ABCC4: variants seen among roughly 807,000 people sequenced by gnomAD.
The protein encoded by ABCC4 is ATP-binding cassette sub-family C member 4.
A neutral mutation model predicts 168.5 loss-of-function variants in ABCC4; 102 were observed. That is an observed-to-expected ratio of 0.61 (90% CI 0.52 to 0.71). The LOEUF (loss-of-function observed/expected upper bound fraction) is 0.71, where lower values mean the gene tolerates loss of function less well. Among genes scored for constraint, ABCC4 ranks in the 30% least tolerant of loss-of-function variants. The pLI is 0.00. For synonymous variants in ABCC4, 617 were observed against 590.7 expected (o/e 1.04, Z -0.65); for missense variants, 1,402 against 1,605.8 (o/e 0.87, Z 2.17).
intron 21 of ABCC4, among the ~76,000 whole-genome samples, chr13:95,077,613 C>T (rs1281999342): frequency 4.0e-5 from 6 of 151,440 alleles, no homozygotes; most frequent in African/African-American, 7.3e-5. Context: ...GCTAGGATTA[C>T]AGGTGTGAGC....
chr13:95,163,236 A>T lies in ABCC4; in HGVS notation c.2214-20T>A. On this transcript the variant is annotated intron_variant, in intron 17 of 30. Transcript: ENST00000645237. ...TTTGCCCTATGGAACATGGGGAGAA[A>T]AAAATATTAAGCTATATATGAAATT... The T allele has an allele frequency of 6.8e-7, 1 of 1,476,686 alleles. No individual in the cohort carries two copies. 91.5% of individuals were successfully genotyped at this position (1,476,686 alleles called of 1,614,324 possible).
At chr13:95,177,616 T>C (rs1751005) in intron 13 of ABCC4, 91 bp downstream of exon 13, 740,514 of 968,644 alleles carry the variant, frequency 0.76, 284,369 homozygotes, top group African/African-American at 0.84. Flanking sequence ...GACACCAGAG[T>C]AGGATGAGCT....
chr13:95,068,073 G>A (rs2033607426), intron 25 of ABCC4, among the ~76,000 whole-genome samples: 1 of 152,160 alleles, frequency 6.6e-6, no homozygotes, highest in Non-Finnish European at 1.5e-5. Context: ...CAGGAAATCT[G>A]AGCAGATGAA....
intron 4 of ABCC4, among the ~76,000 whole-genome samples, chr13:95,227,291 C>T (rs1355006604): frequency 6.6e-6 from 1 of 152,184 alleles, no homozygotes; most frequent in African/African-American, 2.4e-5. Context: ...TCCTCTTAAG[C>T]TATTCCCTAG....
chr13:95,262,270 A>T (rs1489250187), intron 1 of ABCC4, among the ~76,000 whole-genome samples: 1 of 152,238 alleles, frequency 6.6e-6, no homozygotes, highest in Non-Finnish European at 1.5e-5. Flanking sequence ...TGAGGACAGC[A>T]GGAGTCAAGT....
At chr13:95,208,688 T>C (rs1016354942) in intron 6 of ABCC4, among the ~76,000 whole-genome samples, 9 of 138,444 alleles carry the variant, frequency 6.5e-5, no homozygotes, top group African/African-American at 2.4e-4. Flanking sequence ...TGGCATAATA[T>C]CGGCTCACTG....
Position 95,038,172 on chromosome 13 carries a change from A to G in ABCC4, c.3736-3433T>C, listed in dbSNP as rs547455785. 3.3e-5 allele frequency among the ~76,000 whole-genome samples: 5 copies of G among 152,220 alleles called. No individual in the cohort carries two copies. The South Asian group carries it at 8.3e-4, about 25-fold the overall frequency. On this transcript the variant is annotated intron_variant, in intron 29 of 30. Coordinates refer to ENST00000645237, the MANE Select transcript of ABCC4 (RefSeq NM_005845.5). ...CATATGGCCCAAGAAAACAAACTTCATTAAAGTTTCAGGATTAATAATGAG... is the reference window on the plus strand; with the variant it reads ...CATATGGCCCAAGAAAACAAACTTCGTTAAAGTTTCAGGATTAATAATGAG...
intron 6 of ABCC4, 118 bp downstream of exon 6, chr13:95,209,316 A>G: frequency 8.2e-7 from 1 of 1,212,482 alleles, no homozygotes; most frequent in Non-Finnish European, 1.1e-6. Context: ...GAAGAGCTGC[A>G]ACATATGCAA....
At chr13:95,172,572 G>GAAA (rs56278771) in intron 13 of ABCC4, among the ~76,000 whole-genome samples, 5 of 124,678 alleles carry the variant, frequency 4.0e-5, no homozygotes, top group Middle Eastern at 4.1e-3. Context: ...CCTCAAAAAG[G>GAAA]AAAAAAAAAA....
intron 11 of ABCC4, among the ~76,000 whole-genome samples, chr13:95,186,472 T>C (rs1276557937): frequency 6.6e-6 from 1 of 152,132 alleles, no homozygotes; most frequent in Non-Finnish European, 1.5e-5. Context: ...AAATAAAACT[T>C]CACAAAACCA....
At chr13:95,265,738 G>A (rs968706421) in intron 1 of ABCC4, among the ~76,000 whole-genome samples, 14 of 152,312 alleles carry the variant, frequency 9.2e-5, no homozygotes, top group African/African-American at 2.4e-4. Context: ...ACCTGTGGGC[G>A]TGTGTGTGCT....
At chr13:95,178,683 C>T (rs1315690363) in intron 11 of ABCC4, among the ~76,000 whole-genome samples, 1 of 152,106 alleles carries the variant, frequency 6.6e-6, no homozygotes, top group Non-Finnish European at 1.5e-5. Context: ...AATATGGATG[C>T]ACACGGAACT....
At chr13:95,048,162 G>C (rs951231501) in intron 27 of ABCC4, among the ~76,000 whole-genome samples, 3 of 152,138 alleles carry the variant, frequency 2.0e-5, no homozygotes, top group African/African-American at 7.2e-5. Flanking sequence ...TTGGCTCCAA[G>C]ATATCATAAC....
chr13:95,036,551 A>G (rs2032129389), intron 29 of ABCC4, among the ~76,000 whole-genome samples: 1 of 152,190 alleles, frequency 6.6e-6, no homozygotes, highest in African/African-American at 2.4e-5. Flanking sequence ...AAGCATTATT[A>G]TTATTAGATT....
At chr13:95,047,416 G>T (rs2032623457) in intron 27 of ABCC4, among the ~76,000 whole-genome samples, 1 of 145,998 alleles carries the variant, frequency 6.8e-6, no homozygotes. Flanking sequence ...GAGATCAATA[G>T]ATAATATCTA....
intron 4 of ABCC4, among the ~76,000 whole-genome samples, chr13:95,233,319 T>TAAAAAA (rs200364087): frequency 1.5e-4 from 22 of 146,806 alleles, no homozygotes; most frequent in African/African-American, 5.0e-4. Flanking sequence ...AGTGCACCCA[T>TAAAAAA]AAAAAAAAAA....
intron 19 of ABCC4, among the ~76,000 whole-genome samples, chr13:95,146,496 T>A (rs2036498876): frequency 6.6e-6 from 1 of 152,162 alleles, no homozygotes; most frequent in Admixed American, 6.6e-5. Flanking sequence ...CCCAGCACAC[T>A]CCTGGCCTAC....
intron 30 of ABCC4, among the ~76,000 whole-genome samples, chr13:95,028,607 C>T (rs148072340): frequency 1.2e-4 from 18 of 151,866 alleles, no homozygotes; most frequent in African/African-American, 4.3e-4. Context: ...CAACAGAATA[C>T]GAAAATTCAC....
At chr13:95,286,956 C>CA (rs34188007) in intron 1 of ABCC4, among the ~76,000 whole-genome samples, 79,823 of 118,576 alleles carry the variant, frequency 0.67, 27,153 homozygotes, top group Middle Eastern at 0.78. Flanking sequence ...AACTCTGTCT[C>CA]AAAAAAAAAA....
Sources: gnomAD v4.1 joint callset for allele counts (sites outside exome capture counted in the v4.1 genomes callset) on GRCh38, gnomAD v4.1.1 for gene constraint, MANE v1.5 for transcripts, NCBI Gene and HGNC (gene_info 2026-07-23, HGNC 2026-07-21) for gene names.